PLCH2: variants seen among roughly 807,000 people sequenced by gnomAD.
PLCH2 encodes phospholipase C eta 2.
Under a neutral mutation model 134.7 loss-of-function variants are expected in PLCH2, and 98 were observed. The observed-to-expected ratio is 0.73, with a 90% CI of 0.62 to 0.86. The LOEUF is 0.86. Among genes scored for constraint, PLCH2 ranks in the 40% least tolerant of loss-of-function variants. The pLI is 0.00. For missense variants in PLCH2, 1,994 were observed against 1,986.6 expected, an observed-to-expected ratio of 1.00 and a Z score of -0.07; for synonymous variants, 974 against 827.5, an observed-to-expected ratio of 1.18 and a Z score of -3.04.
intron 2 of PLCH2, among the ~76,000 whole-genome samples, chr1:2,452,737 C>T (rs1640304961): frequency 6.6e-6 from 1 of 152,214 alleles, no homozygotes; most frequent in Admixed American, 6.5e-5. Context: ...TTCTGGGGCG[C>T]CTGGCCACCC....
intron 2 of PLCH2, among the ~76,000 whole-genome samples, chr1:2,460,414 G>A (rs186418549): frequency 1.3e-5 from 2 of 152,224 alleles, no homozygotes; most frequent in African/African-American, 4.8e-5. Context: ...ATGGCTAGGG[G>A]TATGGAACAG....
chr1:2,479,567 C>T, intron 2 of PLCH2, 167 bp from the exon 3 acceptor site: 1 of 645,360 alleles, frequency 1.5e-6, no homozygotes, highest in Non-Finnish European at 2.6e-6. Context: ...TGCAGTCTCG[C>T]AGATCTTCAC....
At chr1:2,419,633 CTCT>C in the PLCH2 span, among the ~76,000 whole-genome samples, 2 of 152,094 alleles carry the variant, frequency 1.3e-5, no homozygotes, top group Non-Finnish European at 2.9e-5. Context: ...ACCTCACTGG[CTCT>C]TCTTGCCCGG....
chr1:2,439,151 TTCTC>T lies in PLCH2; in HGVS notation c.115+8526_115+8529del, dbSNP rs1276491646. On this transcript the variant is annotated intron_variant, in intron 2 of 3. Transcript: ENST00000609981. This position sits in a 1 kb window ranked among gnomAD's most constrained non-coding sequence, Gnocchi z 4.7. Reference sequence around the variant, plus strand: ...CTCTGGGGACCCTGGGCAGGTGCCTTTCTCTCTTTGTGCCTCAGTTTCCCCCTCA... The same window carrying T: ...CTCTGGGGACCCTGGGCAGGTGCCTTTCTTTGTGCCTCAGTTTCCCCCTCA... Among the ~76,000 whole-genome samples the T allele has an allele frequency of 6.6e-6, 1 of 152,230 alleles. No individual in the cohort carries two copies. The highest frequency in any genetic ancestry group is 2.4e-5 in the African/African-American group (1 of 41,462).
Position 2,489,218 on chromosome 1 carries a change from T to A in PLCH2, c.1247T>A (p.Ile416Asn). 6.2e-7 allele frequency: 1 copy of A among 1,613,746 alleles called. No individual in the cohort carries two copies. Among genetic ancestry groups the A allele is most frequent in the Non-Finnish European group, 8.5e-7 (1 of 1,179,788 alleles). ...CCTTGGGGCCACAGGTACCCAGTGATCCTGTCCATCGAAAACCACTGCAGT... is the reference window on the plus strand; with the variant it reads ...CCTTGGGGCCACAGGTACCCAGTGAACCTGTCCATCGAAAACCACTGCAGT... ...YAFIKNEYPV[I>N]LSIENHCSVI... The change falls in exon 9 of 22, where the codon ATC (isoleucine) becomes AAC (asparagine). Residue 416 changes from isoleucine to asparagine, a missense_variant. By Grantham distance (149) the Ile-to-Asn change is moderately radical. Transcript: ENST00000378486.
chr1:2,465,438 G>A (rs1641012257), upstream of PLCH2, among the ~76,000 whole-genome samples: 1 of 152,188 alleles, frequency 6.6e-6, no homozygotes, highest in South Asian at 2.1e-4. Flanking sequence ...CATGGGCAGG[G>A]GCTCTGGCGG....
chr1:2,503,810 A>G lies in PLCH2; in HGVS notation c.2960-112A>G, dbSNP rs1444991746. 1.2e-4 allele frequency: 71 copies of G among 615,864 alleles called. No individual in the cohort carries two copies. In the South Asian group the frequency reaches 1.2e-3, roughly 10 times the overall value. The allele number at this position is 615,864 out of a possible 1,614,324, so 38.1% of individuals were successfully genotyped here. On this transcript the variant is annotated intron_variant, in intron 21 of 21. Coordinates refer to ENST00000378486, the MANE Select transcript of PLCH2 (RefSeq NM_014638.4). ...AGCTGGGCCTGGCGACCCTCGGCAC[A>G]GGGCACCGGGGACACCACCCTGATC...
chr1:2,497,809 C>G, intron 16 of PLCH2, 200 bp downstream of exon 16: 1 of 531,556 alleles, frequency 1.9e-6, no homozygotes, highest in East Asian at 2.9e-5. Flanking sequence ...GCTAGCGTTG[C>G]AAAGAAGGGC....
At position 2,505,099 on chromosome 1, in the gene PLCH2, C is replaced by CG. The variant is rs1643473768; in HGVS notation, c.4138dup (p.Glu1380GlyfsTer30). The CG allele has an allele frequency of 1.4e-5, 21 of 1,540,812 alleles. No homozygotes were observed. Among genetic ancestry groups the CG allele is most frequent in the Non-Finnish European group, 1.8e-5 (21 of 1,151,196 alleles). On this transcript the variant is annotated frameshift_variant, in exon 22 of 22. Coordinates refer to ENST00000378486, the MANE Select transcript of PLCH2 (RefSeq NM_014638.4). LOFTEE classifies it high-confidence loss of function. Reference sequence around the variant, plus strand: ...CCCCAGAAGAGGAGCGGGGCACCCCCGAGGGCGCCTGCTCCGTGGGCCACG... The same window carrying CG: ...CCCCAGAAGAGGAGCGGGGCACCCCCGGAGGGCGCCTGCTCCGTGGGCCACG...
chr1:2,467,544 AG>A, exon 1 of PLCH2: 1 of 399,292 alleles, frequency 2.5e-6, no homozygotes, highest in Admixed American at 4.4e-5. Flanking sequence ...GCTGGGGCTC[AG>A]GGGACGCCGG....
In PLCH2 at chr1:2,486,902, C is replaced by T; in HGVS notation, c.817-5C>T. On this transcript the variant is annotated splice_region_variant and splice_polypyrimidine_tract_variant and intron_variant, in intron 5 of 21. Coordinates refer to ENST00000378486, the MANE Select transcript of PLCH2 (RefSeq NM_014638.4). ...GCCTGGACTCATGCCCCTGCTCTGG[C>T]CTAGATGGCGGGTGTGACCCTCGAG... The T allele has an allele frequency of 3.1e-6, 5 of 1,598,858 alleles. No individual in the cohort carries two copies. The highest frequency in any genetic ancestry group is 4.3e-6 in the Non-Finnish European group (5 of 1,173,134).
rs542564496 is a variant in PLCH2, at chr1:2,433,473, T to TTC, written c.115+2844_115+2845insTC. Among the ~76,000 whole-genome samples, 1,162 of 151,448 alleles carry TTC rather than the reference T, an allele frequency of 7.7e-3. 19 individuals are homozygous for TTC. Among genetic ancestry groups the TTC allele is most frequent in the African/African-American group, 0.027 (1,120 of 41,244 alleles). On this transcript the variant is annotated intron_variant, in intron 2 of 3. Transcript: ENST00000609981. ...CTCTTGGGGTTCAGGGCTGCTGGAG[T>TTC]ATGTGTCCCCGCCATTCTCACTGAG...
chr1:2,460,370 CCA>C (rs1471290072), intron 2 of PLCH2, among the ~76,000 whole-genome samples: 2 of 152,242 alleles, frequency 1.3e-5, no homozygotes, highest in Non-Finnish European at 2.9e-5. Flanking sequence ...TAAGCCATGC[CCA>C]CACACAGCAG....
At position 2,498,990 on chromosome 1, in the gene PLCH2, G is replaced by C; in HGVS notation, c.2435-94G>C. 1 of 1,464,272 alleles carries C rather than the reference G, an allele frequency of 6.8e-7. No individual in the cohort carries two copies. Among genetic ancestry groups the C allele is most frequent in the Non-Finnish European group, 9.3e-7 (1 of 1,074,754 alleles). The allele number at this position is 1,464,272 out of a possible 1,614,324, so 90.7% of individuals were successfully genotyped here. A position where few individuals can be genotyped will look rare whatever the true frequency, so the allele number is the denominator to read the frequency against. On this transcript the variant is annotated intron_variant, in intron 18 of 21. Transcript: ENST00000378486. The surrounding 1 kb of genome is among the most constrained non-coding windows in gnomAD (Gnocchi z 5.4). ...AGTCCCGGAAGCAGCACCGGGAGTG[G>C]CACTGGGAGTGGTGTGGGCCGGGGG...
At chr1:2,484,113 G>A (rs1214819178) in intron 4 of PLCH2, among the ~76,000 whole-genome samples, 1 of 152,090 alleles carries the variant, frequency 6.6e-6, no homozygotes, top group Admixed American at 6.5e-5. Context: ...TGACTCCTGC[G>A]TGGGTGTTGT....
intron 1 of PLCH2, 54 bp from the exon 2 acceptor site, chr1:2,478,422 T>C: frequency 1.3e-6 from 2 of 1,597,418 alleles, no homozygotes; most frequent in Non-Finnish European, 1.7e-6. Context: ...GCCGTGTCTC[T>C]CCTGCGAGGA....
At chr1:2,497,873 G>C in intron 16 of PLCH2, 2 of 457,780 alleles carry the variant, frequency 4.4e-6, no homozygotes, top group Non-Finnish European at 3.9e-6. Flanking sequence ...GGCCCCACAT[G>C]AGATTCATGG....
At chr1:2,481,488 C>A (rs778646884) in intron 4 of PLCH2, among the ~76,000 whole-genome samples, 1 of 152,254 alleles carries the variant, frequency 6.6e-6, no homozygotes, top group Non-Finnish European at 1.5e-5. Context: ...TGTGCCAGGG[C>A]CCGGGCAGCA....
chr1:2,489,889 G>T (rs889551908), intron 10 of PLCH2, 22 bp downstream of exon 10: 2 of 1,536,914 alleles, frequency 1.3e-6, no homozygotes, highest in Non-Finnish European at 1.8e-6. Flanking sequence ...TGGAGGTGGA[G>T]GGGGGCGCGT....
Sources: gnomAD v4.1 joint callset for allele counts (sites outside exome capture counted in the v4.1 genomes callset) on GRCh38, gnomAD v4.1.1 for gene constraint, Gnocchi (gnomAD v3.1) non-coding constraint, MANE v1.5 for transcripts, NCBI Gene and HGNC (gene_info 2026-07-23, HGNC 2026-07-21) for gene names.